Variants in COL24A1 observed in about 807,000 individuals in gnomAD.
COL24A1 encodes collagen alpha-1(XXIV) chain.
A neutral mutation model predicts 253.9 loss-of-function variants in COL24A1; 224 were observed. That is an observed-to-expected ratio of 0.88 (90% CI 0.79 to 0.99). COL24A1 has a LOEUF of 0.99. Ranked by LOEUF, COL24A1 falls within the 50% of genes least tolerant of loss-of-function variation. The pLI, the probability that COL24A1 is intolerant of heterozygous loss-of-function variation, is 0.00. For missense variants in COL24A1, 2,131 were observed against 2,068.5 expected, an observed-to-expected ratio of 1.03 and a Z score of -0.59; for synonymous variants, 685 against 673.7, an observed-to-expected ratio of 1.02 and a Z score of -0.26.
chr1:86,065,869 G>C (rs1240398661), intron 7 of COL24A1, among the ~76,000 whole-genome samples: 1 of 152,186 alleles, frequency 6.6e-6, no homozygotes, highest in East Asian at 1.9e-4. Context: ...CTTAACAGTG[G>C]GGGTAGGAGG....
intron 55 of COL24A1, among the ~76,000 whole-genome samples, chr1:85,747,929 G>A (rs1665438673): frequency 6.6e-6 from 1 of 152,004 alleles, no homozygotes; most frequent in Admixed American, 6.5e-5. Flanking sequence ...ATAATATATT[G>A]ATCATTCTGA....
chr1:85,865,252 G>A (rs941052841), intron 37 of COL24A1, among the ~76,000 whole-genome samples: 2 of 152,048 alleles, frequency 1.3e-5, no homozygotes, highest in African/African-American at 4.8e-5. Flanking sequence ...GTCTAAGGAA[G>A]AATTTTTAAA....
chr1:85,987,717 T>C (rs969648466), intron 19 of COL24A1, 63 bp from the exon 20 acceptor site: 13 of 1,423,302 alleles, frequency 9.1e-6, no homozygotes, highest in Non-Finnish European at 1.1e-5. Flanking sequence ...ATTTAGCATA[T>C]AAAATTCCCT....
intron 41 of COL24A1, among the ~76,000 whole-genome samples, chr1:85,841,537 A>G (rs1676615874): frequency 6.6e-6 from 1 of 152,178 alleles, no homozygotes; most frequent in Non-Finnish European, 1.5e-5. Flanking sequence ...TCAGATTTCA[A>G]TGATATTGTA....
chr1:86,003,819 A>G (rs921202008), intron 19 of COL24A1, among the ~76,000 whole-genome samples: 5 of 152,172 alleles, frequency 3.3e-5, no homozygotes, highest in Non-Finnish European at 5.9e-5. Flanking sequence ...ACAGAGTCAC[A>G]TGACTAGACA....
chr1:86,098,007 C>A (rs1704138942), intron 5 of COL24A1, among the ~76,000 whole-genome samples: 1 of 152,016 alleles, frequency 6.6e-6, no homozygotes, highest in African/African-American at 2.4e-5. Context: ...ATAATGATTA[C>A]AAAGTCAGGA....
rs773593967 is a variant in COL24A1, at chr1:86,125,492, C to T, written c.844G>A (p.Asp282Asn). Residue 282 changes from aspartate to asparagine, a missense_variant, in exon 3 of 60, where the codon GAT (aspartate) becomes AAT (asparagine). Transcript: ENST00000370571. ...ATGCTTTTGCCTTCAGTAAATGTAT[C>T]CTCTGACAGTACTTTTTCAGCAAAT... Reference protein sequence around the residue: ...KLFAEKVLSEDTFTEGKSIPN... With the variant: ...KLFAEKVLSENTFTEGKSIPN... 88 of 1,613,416 alleles carry T rather than the reference C, an allele frequency of 5.5e-5. No homozygotes were observed. The highest frequency in any genetic ancestry group is 1.0e-4 in the Admixed American group (6 of 59,852).
At chr1:85,848,324 T>G (rs759106461) in intron 38 of COL24A1, among the ~76,000 whole-genome samples, 9 of 152,232 alleles carry the variant, frequency 5.9e-5, no homozygotes, top group Non-Finnish European at 1.0e-4. Flanking sequence ...TTGTTGTTTT[T>G]TTTGAGACCA....
intron 37 of COL24A1, among the ~76,000 whole-genome samples, chr1:85,864,836 C>G (rs772055274): frequency 6.6e-6 from 1 of 152,090 alleles, no homozygotes; most frequent in Non-Finnish European, 1.5e-5. Context: ...TTAATACATC[C>G]AACTTTGGAG....
rs145870802 is a variant in COL24A1, at chr1:85,834,820, G to A, written c.3681+3765C>T. Among the ~76,000 whole-genome samples the A allele has an allele frequency of 4.6e-3, 696 of 152,166 alleles. 10 individuals are homozygous for A. Among genetic ancestry groups the A allele is most frequent in the African/African-American group, 0.015 (615 of 41,530 alleles). On this transcript the variant is annotated intron_variant, in intron 43 of 59. Coordinates refer to ENST00000370571, the MANE Select transcript of COL24A1 (RefSeq NM_152890.7). ...CCTCCATGTCCTCTGGCTCTCAAGC[G>A]TCAAATAAATTTATCTTGATCTATG...
At chr1:85,795,858 T>G (rs549978875) in intron 47 of COL24A1, among the ~76,000 whole-genome samples, 19 of 152,266 alleles carry the variant, frequency 1.2e-4, no homozygotes, top group Admixed American at 1.1e-3. Flanking sequence ...AATACTTTAC[T>G]TCCTTTAGTC....
At chr1:86,044,792 G>A (rs1334923543) in intron 12 of COL24A1, among the ~76,000 whole-genome samples, 1 of 152,044 alleles carries the variant, frequency 6.6e-6, no homozygotes, top group Non-Finnish European at 1.5e-5. Flanking sequence ...GAAATTACCT[G>A]TACATTGCCA....
chr1:86,074,477 AAG>A (rs1171464741), intron 7 of COL24A1, among the ~76,000 whole-genome samples: 1 of 151,288 alleles, frequency 6.6e-6, no homozygotes, highest in African/African-American at 2.4e-5. Flanking sequence ...GAGATCTACA[AAG>A]AGACTTAGAC....
At chr1:86,065,684 C>T (rs923636154) in intron 7 of COL24A1, among the ~76,000 whole-genome samples, 7 of 149,256 alleles carry the variant, frequency 4.7e-5, no homozygotes, top group Non-Finnish European at 8.9e-5. Flanking sequence ...AGTCCAGCTA[C>T]TCAAGATGCT....
Position 86,017,195 on chromosome 1 carries a change from C to G in COL24A1, c.2266G>C (p.Gly756Arg). The G allele has an allele frequency of 5.1e-6, 8 of 1,564,512 alleles. No homozygotes were observed. Among genetic ancestry groups the G allele is most frequent in the Non-Finnish European group, 6.9e-6 (8 of 1,164,078 alleles). The part of the protein sequence containing the change: ...RGKSGPSGQT[G>R]DPGLQGPSGP... ...GATGGTCCTTGGAGTCCTGGGTCACCTGTTTGGCCCTAAAATGGGGGGGGA... is the reference window on the plus strand; with the variant it reads ...GATGGTCCTTGGAGTCCTGGGTCACGTGTTTGGCCCTAAAATGGGGGGGGA... The change falls in exon 19 of 60, where the codon GGT becomes CGT. Residue 756 changes from glycine to arginine, a missense_variant. By Grantham distance (125) the Gly-to-Arg change is moderately radical. Coordinates refer to ENST00000370571, the MANE Select transcript of COL24A1 (RefSeq NM_152890.7).
rs768646193 is a variant in COL24A1 at position 85,730,572 on chromosome 1, CA to C, written c.5118del (p.Ile1706MetfsTer60). 1.2e-6 allele frequency: 2 copies of C among 1,613,896 alleles called. No individual in the cohort carries two copies. Among genetic ancestry groups the C allele is most frequent in the South Asian group, 2.2e-5 (2 of 91,032 alleles). On this transcript the variant is annotated frameshift_variant, in exon 60 of 60. Coordinates refer to ENST00000370571, the MANE Select transcript of COL24A1 (RefSeq NM_152890.7). LOFTEE classifies it high-confidence loss of function. The stretch of plus-strand genomic sequence containing the variant: ...TACAGAAAGCATACAGAACTGCTGT[CA>C]ATGTAATACTTTCGTTCAGTTTTGA... Reference protein sequence around the residue: ...PHLKTERKYYIDSSSVCFL With the variant: ...PHLKTERKYYXDSSSVCFL
At chr1:86,136,344 G>T (rs1009637322) in intron 2 of COL24A1, among the ~76,000 whole-genome samples, 1 of 151,998 alleles carries the variant, frequency 6.6e-6, no homozygotes, top group African/African-American at 2.4e-5. Context: ...GGTTTTGCTG[G>T]TGCTTTCTGA....
chr1:85,988,347 T>C (rs1693922845), intron 19 of COL24A1, among the ~76,000 whole-genome samples: 1 of 152,050 alleles, frequency 6.6e-6, no homozygotes, highest in Non-Finnish European at 1.5e-5. Flanking sequence ...GAAATTATAT[T>C]AGCAGTCTAA....
At chr1:85,846,016 T>C (rs1458429287) in intron 39 of COL24A1, among the ~76,000 whole-genome samples, 1 of 151,700 alleles carries the variant, frequency 6.6e-6, no homozygotes, top group African/African-American at 2.4e-5. Flanking sequence ...AGTAAAATAG[T>C]GTGGTATTGA....
Sources: gnomAD v4.1 joint callset for allele counts (sites outside exome capture counted in the v4.1 genomes callset) on GRCh38, gnomAD v4.1.1 for gene constraint, MANE v1.5 for transcripts, NCBI Gene and HGNC (gene_info 2026-07-23, HGNC 2026-07-21) for gene names.